The following NELL1 variants were observed in gnomAD, a reference collection of about 807,000 sequenced individuals.
The protein encoded by NELL1 is protein kinase C-binding protein NELL1.
Under a neutral mutation model 107.4 loss-of-function variants are expected in NELL1, and 76 were observed. The ratio of observed to expected loss-of-function variants is 0.71; its 90% CI spans 0.59 to 0.86. The LOEUF (loss-of-function observed/expected upper bound fraction) is 0.86. Among genes scored for constraint, NELL1 ranks in the 40% least tolerant of loss-of-function variants. The pLI, the probability that NELL1 is intolerant of heterozygous loss-of-function variation, is 0.00. For synonymous variants in NELL1, 353 were observed against 341.2 expected (o/e 1.03, Z -0.38); for missense variants, 1,024 against 1,005.5 (o/e 1.02, Z -0.25).
chr11:20,739,197 A>G (rs752783733), intron 2 of NELL1, among the ~76,000 whole-genome samples: 17 of 152,220 alleles, frequency 1.1e-4, no homozygotes, highest in Non-Finnish European at 1.9e-4. Flanking sequence ...GAACACGGCA[A>G]CGTTGATCAG....
chr11:21,149,349 A>G lies in NELL1; in HGVS notation c.1426+35635A>G, dbSNP rs543709585. 1.8e-4 allele frequency among the ~76,000 whole-genome samples: 28 copies of G among 152,372 alleles called. No homozygotes were observed. The South Asian group carries it at 5.8e-3, about 32-fold the overall frequency. On this transcript the variant is annotated intron_variant, in intron 13 of 19. Transcript: ENST00000357134. ...CCAAGACTGGGTTATTTATAAAGGA[A>G]AGATGTTTAATTGGCTCACAGTTCC...
chr11:20,733,523 GA>G (rs1161926253), intron 2 of NELL1, among the ~76,000 whole-genome samples: 1 of 152,130 alleles, frequency 6.6e-6, no homozygotes, highest in African/African-American at 2.4e-5. Context: ...AGAGGATGGG[GA>G]CAAGAAGAAA....
At chr11:21,214,438 A>G (rs1044091836) in intron 13 of NELL1, among the ~76,000 whole-genome samples, 1 of 152,066 alleles carries the variant, frequency 6.6e-6, no homozygotes, top group African/African-American at 2.4e-5. Context: ...GCGAGTGAAG[A>G]TATACTCAAC....
chr11:21,224,475 C>A (rs1857842106), intron 13 of NELL1, among the ~76,000 whole-genome samples: 4 of 151,890 alleles, frequency 2.6e-5, no homozygotes, highest in Admixed American at 6.6e-5. Context: ...CCTGTCTCAG[C>A]CTCCCAAAGT....
intron 12 of NELL1, among the ~76,000 whole-genome samples, chr11:21,054,947 A>C (rs1853578708): frequency 6.6e-6 from 1 of 151,978 alleles, no homozygotes; most frequent in Non-Finnish European, 1.5e-5. Flanking sequence ...TTGCTTTTAT[A>C]ATTTGAAAGT....
chr11:21,134,527 T>C lies in NELL1; in HGVS notation c.1426+20813T>C, dbSNP rs139158686. Reference sequence around the variant, plus strand: ...CTATGCTCCTTTGGCATCTTTGCTTTCAAATTCCTGATTTTAACAGTTCTG... The same window carrying C: ...CTATGCTCCTTTGGCATCTTTGCTTCCAAATTCCTGATTTTAACAGTTCTG... On this transcript the variant is annotated intron_variant, in intron 13 of 19. Coordinates refer to ENST00000357134, the MANE Select transcript of NELL1 (RefSeq NM_006157.5). 6.7e-3 allele frequency among the ~76,000 whole-genome samples: 1,023 copies of C among 152,332 alleles called. 10 individuals are homozygous for C. Among genetic ancestry groups the C allele is most frequent in the African/African-American group, 0.023 (945 of 41,572 alleles).
intron 16 of NELL1, among the ~76,000 whole-genome samples, chr11:21,535,856 C>T (rs1452063771): frequency 6.6e-6 from 1 of 152,042 alleles, no homozygotes; most frequent in African/African-American, 2.4e-5. Flanking sequence ...ATTTCTTTTC[C>T]TTTACATACT....
chr11:21,178,466 T>C (rs1018059073), intron 13 of NELL1, among the ~76,000 whole-genome samples: 3 of 151,840 alleles, frequency 2.0e-5, no homozygotes, highest in African/African-American at 7.3e-5. Flanking sequence ...TTATTTCTTT[T>C]TCAATTATAA....
intron 2 of NELL1, among the ~76,000 whole-genome samples, chr11:20,778,331 C>T (rs925010862): frequency 1.3e-5 from 2 of 152,112 alleles, no homozygotes; most frequent in African/African-American, 4.8e-5. Flanking sequence ...CAGTGCCTGG[C>T]ATAGGGGAAG....
chr11:20,967,411 C>T (rs1419666233), intron 12 of NELL1, among the ~76,000 whole-genome samples: 1 of 151,962 alleles, frequency 6.6e-6, no homozygotes, highest in Non-Finnish European at 1.5e-5. Flanking sequence ...TATGTAGCAC[C>T]ACGATCTTCA....
intron 15 of NELL1, among the ~76,000 whole-genome samples, chr11:21,376,303 G>T (rs951279667): frequency 1.3e-4 from 20 of 152,078 alleles, no homozygotes; most frequent in Admixed American, 2.0e-4. Flanking sequence ...ATTGAATAGG[G>T]AGTCTTTTTC....
chr11:21,001,660 GA>G (rs1273580010), intron 12 of NELL1, among the ~76,000 whole-genome samples: 1 of 151,944 alleles, frequency 6.6e-6, no homozygotes, highest in Non-Finnish European at 1.5e-5. Flanking sequence ...AGGAAAGAAA[GA>G]AGCAAAATAG....
intron 3 of NELL1, among the ~76,000 whole-genome samples, chr11:20,791,730 G>GTTTTTTTTTTTTTTTTTTTTT (rs368213562): frequency 1.3e-5 from 1 of 79,494 alleles, no homozygotes; most frequent in African/African-American, 3.6e-5. Flanking sequence ...CAGTCTGGAG[G>GTTTTTTTTTTTTTTTTTTTTT]TTTTTTTTTT....
chr11:20,741,952 AG>A (rs556425677), intron 2 of NELL1, among the ~76,000 whole-genome samples: 2 of 152,320 alleles, frequency 1.3e-5, no homozygotes, highest in South Asian at 2.1e-4. Context: ...ATTCTGATTC[AG>A]GAGATTAGGC....
chr11:21,455,602 G>C (rs1004169443), intron 15 of NELL1, among the ~76,000 whole-genome samples: 3 of 151,970 alleles, frequency 2.0e-5, no homozygotes, highest in Non-Finnish European at 4.4e-5. Context: ...CCAAAGTTTG[G>C]AATTATAGGC....
In NELL1 at chr11:20,795,944, A is replaced by G. The variant is rs556114842; in HGVS notation, c.335+12114A>G. ...GAGCGTTTGCAGTTATCTTTAATTT[A>G]CCTCAGACTCAGGGTTCTTCTAGGT... On this transcript the variant is annotated intron_variant, in intron 3 of 19. Coordinates refer to ENST00000357134, the MANE Select transcript of NELL1 (RefSeq NM_006157.5). Among the ~76,000 whole-genome samples the G allele has an allele frequency of 8.5e-5, 13 of 152,236 alleles. No individual in the cohort carries two copies. The South Asian group carries it at 2.5e-3, about 29-fold the overall frequency.
In NELL1 at chr11:21,391,290, GT is replaced by G. The variant is rs57207239; in HGVS notation, c.1645+20348del. 3.3e-5 allele frequency among the ~76,000 whole-genome samples: 5 copies of G among 151,732 alleles called. No individual in the cohort carries two copies. The South Asian group carries it at 1.0e-3, about 32-fold the overall frequency. On this transcript the variant is annotated intron_variant, in intron 15 of 19. Coordinates refer to ENST00000357134, the MANE Select transcript of NELL1 (RefSeq NM_006157.5). ...TTTCTCTCTCTGAGAAACTGTGGCC[GT>G]TTTTTCATCCTCAGGAAATTTGATG...
intron 15 of NELL1, among the ~76,000 whole-genome samples, chr11:21,486,440 C>G (rs1854633916): frequency 6.6e-6 from 1 of 152,134 alleles, no homozygotes; most frequent in South Asian, 2.1e-4. Flanking sequence ...GCTGAAGGCC[C>G]CACCCACCAA....
intron 15 of NELL1, among the ~76,000 whole-genome samples, chr11:21,414,929 T>C (rs1852472980): frequency 2.0e-5 from 3 of 152,034 alleles, no homozygotes; most frequent in African/African-American, 7.2e-5. Flanking sequence ...TGTTCAACAT[T>C]AGAATGAGGC....
Sources: allele counts gnomAD v4.1 joint callset (sites outside exome capture counted in the v4.1 genomes callset), GRCh38; gene constraint gnomAD v4.1.1; transcripts MANE v1.5; gene names NCBI Gene and HGNC (gene_info 2026-07-23, HGNC 2026-07-21).